The following BMAL2 variants were observed in gnomAD, a reference collection of about 807,000 sequenced individuals.
The protein encoded by BMAL2 is basic helix-loop-helix ARNT like 2.
At chr12:27,412,582 C>T in the BMAL2 span, among the ~76,000 whole-genome samples, 3 of 151,942 alleles carry the variant, frequency 2.0e-5, no homozygotes, top group African/African-American at 7.3e-5. Flanking sequence ...ATAGGATTTC[C>T]AGAGTGAAGA....
At chr12:27,423,759 CTG>C in the BMAL2 span, 1 of 152,180 alleles carries the variant, frequency 6.6e-6, no homozygotes, top group African/African-American at 2.4e-5. Context: ...CATTTAAACT[CTG>C]TGCCTCAGCG....
the BMAL2 span, among the ~76,000 whole-genome samples, chr12:27,416,189 ACT>A: frequency 1.3e-5 from 2 of 152,020 alleles, no homozygotes; most frequent in Non-Finnish European, 2.9e-5. Flanking sequence ...TTTTACTTAA[ACT>A]CTCTGTGCCT....
the BMAL2 span, among the ~76,000 whole-genome samples, chr12:27,410,785 G>T: frequency 3.3e-5 from 5 of 151,778 alleles, no homozygotes; most frequent in Non-Finnish European, 5.9e-5. Context: ...TAAAACTAAA[G>T]CTTTTCCAGA....
At chr12:27,392,038 G>A in the BMAL2 span, among the ~76,000 whole-genome samples, 451 of 152,258 alleles carry the variant, frequency 3.0e-3, 3 homozygotes, top group African/African-American at 0.01. Flanking sequence ...ATCCCTCTGA[G>A]CTTCAGTTTC....
the BMAL2 span, among the ~76,000 whole-genome samples, chr12:27,408,594 C>A: frequency 6.6e-6 from 1 of 152,162 alleles, no homozygotes; most frequent in Admixed American, 6.5e-5. Flanking sequence ...GGACATATCT[C>A]AAAATAATAA....
the BMAL2 span, among the ~76,000 whole-genome samples, chr12:27,398,979 A>C: frequency 6.6e-6 from 1 of 152,152 alleles, no homozygotes; most frequent in Non-Finnish European, 1.5e-5. Flanking sequence ...AGAGCCTAGG[A>C]TGACCCCCAG....
chr12:27,422,618 A>C, the BMAL2 span: 1 of 152,238 alleles, frequency 6.6e-6, no homozygotes, highest in Admixed American at 6.5e-5. Flanking sequence ...TCAGGTTTAG[A>C]ATGAGCCAAA....
the BMAL2 span, among the ~76,000 whole-genome samples, chr12:27,333,549 C>T: frequency 6.6e-6 from 1 of 152,384 alleles, no homozygotes; most frequent in East Asian, 1.9e-4. Context: ...TTGTCAGCAG[C>T]CTCGGACCTA....
chr12:27,384,666 C>T, the BMAL2 span, among the ~76,000 whole-genome samples: 1 of 152,088 alleles, frequency 6.6e-6, no homozygotes, highest in African/African-American at 2.4e-5. Context: ...TGCACATATA[C>T]CTATGATAAA....
chr12:27,399,243 T>G, the BMAL2 span, among the ~76,000 whole-genome samples: 1 of 152,204 alleles, frequency 6.6e-6, no homozygotes, highest in African/African-American at 2.4e-5. Flanking sequence ...CTGACCGCTC[T>G]CTCTCAGTTC....
chr12:27,407,837 C>A, the BMAL2 span, among the ~76,000 whole-genome samples: 13 of 151,678 alleles, frequency 8.6e-5, no homozygotes, highest in East Asian at 1.9e-4. Context: ...AAAAATTGAT[C>A]GACCGCTAGC....
At chr12:27,423,324 C>CTTTTTTTTTTTTTT in the BMAL2 span, 36 of 85,906 alleles carry the variant, frequency 4.2e-4, no homozygotes, top group Admixed American at 4.9e-4. Context: ...CTTTTCTTTT[C>CTTTTTTTTTTTTTT]TTTTTTTTTT....
At chr12:27,397,302 C>T in the BMAL2 span, among the ~76,000 whole-genome samples, 1 of 152,194 alleles carries the variant, frequency 6.6e-6, no homozygotes, top group Non-Finnish European at 1.5e-5. Context: ...GATCTCCTGA[C>T]CTTGTGATCC....
At chr12:27,387,268 G>A in the BMAL2 span, 8 of 1,612,374 alleles carry the variant, frequency 5.0e-6, no homozygotes, top group African/African-American at 1.3e-5. Context: ...TGTGAAAGAG[G>A]AAAAATTCTC....
the BMAL2 span, chr12:27,423,065 C>G: frequency 6.6e-6 from 1 of 152,146 alleles, no homozygotes; most frequent in Non-Finnish European, 1.5e-5. Context: ...TCTGTAGATC[C>G]TTTTGTCCTG....
At chr12:27,379,862 G>A in the BMAL2 span, among the ~76,000 whole-genome samples, 2 of 152,016 alleles carry the variant, frequency 1.3e-5, no homozygotes, top group Non-Finnish European at 2.9e-5. Context: ...ATGATAAGGA[G>A]CTATAAAAAT....
At chr12:27,354,967 A>G in the BMAL2 span, among the ~76,000 whole-genome samples, 1 of 152,214 alleles carries the variant, frequency 6.6e-6, no homozygotes, top group Admixed American at 6.5e-5. Flanking sequence ...TTACTAGATT[A>G]GTAGTAATAT....
chr12:27,415,967 A>G, the BMAL2 span: 1 of 1,454,372 alleles, frequency 6.9e-7, no homozygotes, highest in Non-Finnish European at 9.5e-7. Flanking sequence ...CTTGTAAATG[A>G]TAATATTCAT....
At chr12:27,335,450 C>T in the BMAL2 span, among the ~76,000 whole-genome samples, 1 of 152,192 alleles carries the variant, frequency 6.6e-6, no homozygotes, top group Non-Finnish European at 1.5e-5. Context: ...AGCTTTCTCA[C>T]CTTCCGTTTT....
Sources: gnomAD v4.1 joint callset for allele counts (sites outside exome capture counted in the v4.1 genomes callset) on GRCh38, gnomAD v4.1.1 for gene constraint, MANE v1.5 for transcripts, NCBI Gene and HGNC (gene_info 2026-07-23, HGNC 2026-07-21) for gene names.